RIMS1: variants seen among roughly 807,000 people sequenced by gnomAD.
RIMS1 encodes the protein regulating synaptic membrane exocytosis protein 1.
A neutral mutation model predicts 214.1 loss-of-function variants in RIMS1; 83 were observed. That is an observed-to-expected ratio of 0.39 (90% CI 0.32 to 0.47). The LOEUF is 0.47. RIMS1 is among the 20% of genes least tolerant of loss of function. The pLI, the probability that RIMS1 is intolerant of heterozygous loss-of-function variation, is 0.99. For synonymous variants in RIMS1, 793 were observed against 786.8 expected (o/e 1.01, Z -0.13); for missense variants, 2,050 against 2,161.8 (o/e 0.95, Z 1.03).
chr6:71,909,074 C>T (rs1412869019), intron 1 of RIMS1, among the ~76,000 whole-genome samples: 3 of 152,174 alleles, frequency 2.0e-5, no homozygotes, highest in Non-Finnish European at 4.4e-5. Context: ...ACTGCAAACT[C>T]TGCCTTCCGG....
At chr6:72,051,278 G>A (rs377607739) in intron 2 of RIMS1, among the ~76,000 whole-genome samples, 1 of 152,236 alleles carries the variant, frequency 6.6e-6, no homozygotes, top group East Asian at 1.9e-4. Context: ...TTTTATCAAG[G>A]CACCATCTTT....
intron 6 of RIMS1, among the ~76,000 whole-genome samples, chr6:72,224,509 G>A (rs2059591130): frequency 6.6e-6 from 1 of 152,166 alleles, no homozygotes; most frequent in Admixed American, 6.6e-5. Context: ...GTCTAGGTCA[G>A]TGAGGCTTAC....
intron 28 of RIMS1, among the ~76,000 whole-genome samples, chr6:72,326,977 G>A (rs1038628732): frequency 2.6e-5 from 4 of 151,618 alleles, no homozygotes; most frequent in African/African-American, 9.7e-5. Context: ...CAGAGGAAGG[G>A]GCCATCAGTT....
At position 72,196,377 on chromosome 6, in the gene RIMS1, G is replaced by GTCTATCTATCTA. The variant is rs3047577; in HGVS notation, c.1678+13261_1678+13272dup. Among the ~76,000 whole-genome samples, 41 of 144,090 alleles carry GTCTATCTATCTA rather than the reference G, an allele frequency of 2.8e-4. 1 individual carries two copies. Among genetic ancestry groups the GTCTATCTATCTA allele is most frequent in the African/African-American group, 1.1e-3 (39 of 36,884 alleles). The allele number at this position is 144,090 out of a possible 152,430, so 94.5% of individuals were successfully genotyped here. On this transcript the variant is annotated intron_variant, in intron 6 of 33. Transcript: ENST00000521978. ...TGTCTGTCTGTCTGTCTGTCTGTCTGTCTATCTATCTATCTATCTATCTAT... is the reference window on the plus strand; with the variant it reads ...TGTCTGTCTGTCTGTCTGTCTGTCTGTCTATCTATCTATCTATCTATCTATCTATCTATCTAT...
chr6:72,048,776 T>A (rs1157682959), intron 2 of RIMS1, among the ~76,000 whole-genome samples: 3 of 152,236 alleles, frequency 2.0e-5, no homozygotes, highest in Non-Finnish European at 2.9e-5. Flanking sequence ...TCATTTCTTA[T>A]GTCTGAGATT....
chr6:72,101,530 A>T (rs1333195987), intron 4 of RIMS1, among the ~76,000 whole-genome samples: 2 of 151,992 alleles, frequency 1.3e-5, no homozygotes, highest in Admixed American at 1.3e-4. Flanking sequence ...TTCTTTCCCT[A>T]TTCCTCTAAT....
At position 72,011,226 on chromosome 6, in the gene RIMS1, A is replaced by G. The variant is rs558141685; in HGVS notation, c.245+42163A>G. Among the ~76,000 whole-genome samples, 648 of 152,204 alleles carry G rather than the reference A, an allele frequency of 4.3e-3. 5 individuals are homozygous for G. Among genetic ancestry groups the G allele is most frequent in the African/African-American group, 0.013 (549 of 41,548 alleles). ...CAAACCTGACAAAAACAAGAAATGA[A>G]GAAAGGATTCCCTATTTAATAAATG... On this transcript the variant is annotated intron_variant, in intron 2 of 33. Transcript: ENST00000521978.
At chr6:72,211,904 A>G (rs1013334747) in intron 6 of RIMS1, among the ~76,000 whole-genome samples, 2 of 152,140 alleles carry the variant, frequency 1.3e-5, no homozygotes, top group Non-Finnish European at 2.9e-5. Flanking sequence ...TTTCATTTCC[A>G]GGATAAACCA....
chr6:71,982,764 C>T (rs1043065897), intron 2 of RIMS1, among the ~76,000 whole-genome samples: 3 of 152,084 alleles, frequency 2.0e-5, no homozygotes, highest in African/African-American at 7.2e-5. Context: ...GGGTTGGATA[C>T]CCCTTGGCCT....
intron 19 of RIMS1, 77 bp downstream of exon 19, chr6:72,260,844 TA>T: frequency 6.4e-7 from 1 of 1,569,896 alleles, no homozygotes; most frequent in East Asian, 2.3e-5. Flanking sequence ...GTCTCTCCCT[TA>T]GTGGTATTAT....
At chr6:71,933,764 T>A (rs144113021) in intron 1 of RIMS1, among the ~76,000 whole-genome samples, 1 of 151,876 alleles carries the variant, frequency 6.6e-6, no homozygotes. Context: ...AAGAGTTTCA[T>A]AGGACTTTCT....
intron 4 of RIMS1, among the ~76,000 whole-genome samples, chr6:72,179,156 G>A (rs561851595): frequency 6.6e-5 from 10 of 151,886 alleles, no homozygotes; most frequent in Non-Finnish European, 1.3e-4. Flanking sequence ...CAAGTACTGA[G>A]GTTTATGTAT....
intron 6 of RIMS1, among the ~76,000 whole-genome samples, chr6:72,217,539 A>G (rs373713468): frequency 6.6e-6 from 1 of 152,240 alleles, no homozygotes; most frequent in African/African-American, 2.4e-5. Context: ...TAATTCAGAA[A>G]GATACATTTT....
intron 4 of RIMS1, among the ~76,000 whole-genome samples, chr6:72,112,895 A>G (rs887274890): frequency 5.9e-5 from 9 of 152,192 alleles, no homozygotes; most frequent in African/African-American, 2.2e-4. Context: ...TGCCTGGCAC[A>G]GGTAGCCACT....
At chr6:71,926,398 CAA>C (rs1325047109) in intron 1 of RIMS1, among the ~76,000 whole-genome samples, 1 of 152,102 alleles carries the variant, frequency 6.6e-6, no homozygotes, top group African/African-American at 2.4e-5. Context: ...TTTAGCTGTA[CAA>C]AAGTCTTCCA....
chr6:72,185,025 G>A (rs1027926644), intron 6 of RIMS1, among the ~76,000 whole-genome samples: 2 of 152,318 alleles, frequency 1.3e-5, no homozygotes, highest in East Asian at 3.9e-4. Flanking sequence ...CTGAAGTCAG[G>A]AAGAACATTG....
chr6:72,120,696 C>A (rs2038092583), intron 4 of RIMS1, among the ~76,000 whole-genome samples: 1 of 151,778 alleles, frequency 6.6e-6, no homozygotes, highest in South Asian at 2.1e-4. Flanking sequence ...GTTGCCATTG[C>A]TTTTGGTGTT....
intron 1 of RIMS1, among the ~76,000 whole-genome samples, chr6:71,955,415 T>A (rs1161046306): frequency 6.6e-6 from 1 of 152,068 alleles, no homozygotes; most frequent in South Asian, 2.1e-4. Flanking sequence ...GATCCTCCCA[T>A]CTCAGCCTCC....
intron 7 of RIMS1, among the ~76,000 whole-genome samples, chr6:72,234,197 A>C (rs1025636904): frequency 6.6e-6 from 1 of 151,946 alleles, no homozygotes; most frequent in Non-Finnish European, 1.5e-5. Flanking sequence ...TTATTTGCCA[A>C]CCACTTTAAG....
Sources: allele counts gnomAD v4.1 joint callset (sites outside exome capture counted in the v4.1 genomes callset), GRCh38; gene constraint gnomAD v4.1.1; transcripts MANE v1.5; gene names NCBI Gene and HGNC (gene_info 2026-07-23, HGNC 2026-07-21).